EMG1: variants seen among roughly 807,000 people sequenced by gnomAD.
EMG1 encodes ribosomal RNA small subunit methyltransferase NEP1.
A neutral mutation model predicts 26.9 loss-of-function variants in EMG1; 24 were observed. The ratio of observed to expected loss-of-function variants is 0.89; its 90% confidence interval spans 0.65 to 1.26. The LOEUF is 1.26. Among genes scored for constraint, EMG1 ranks in the 50% most tolerant of loss-of-function variants. The pLI is 0.00. For missense variants in EMG1, 299 were observed against 307.6 expected (o/e 0.97, Z 0.21); for synonymous variants, 140 against 112.6 (o/e 1.24, Z -1.54).
rs781810040 is a variant in EMG1, at chr12:6,977,229, A to T, written c.*1420A>T. ...AATATGAATAGTAGGCTCAGGAAGA[A>T]GATGTGGCCAAGGAAATAGATGGAT... On this transcript the variant is annotated 3_prime_UTR_variant, in exon 6 of 6. Coordinates refer to ENST00000599672, the MANE Select transcript of EMG1 (RefSeq NM_006331.8). This position sits in a 1 kb window ranked among gnomAD's most constrained non-coding sequence, Gnocchi z 4.5. 5.0e-6 allele frequency: 8 copies of T among 1,613,924 alleles called. No homozygotes were observed. The Admixed American group carries it at 1.3e-4, about 27-fold the overall frequency.
In EMG1 at chr12:6,977,496, G is replaced by C; in HGVS notation, c.*1687G>C. 1 of 1,614,198 alleles carries C rather than the reference G, an allele frequency of 6.2e-7. No individual in the cohort carries two copies. On this transcript the variant is annotated 3_prime_UTR_variant, in exon 6 of 6. Coordinates refer to ENST00000599672, the MANE Select transcript of EMG1 (RefSeq NM_006331.8). This position sits in a 1 kb window ranked among gnomAD's most constrained non-coding sequence, Gnocchi z 4.5. ...CAGTAATGGCGGCCAGCTTGCTCAG[G>C]GTGGGGCTCTCTTGAATGAGCCTGG...
chr12:6,981,291 G>T, downstream of EMG1: 1 of 892,918 alleles, frequency 1.1e-6, no homozygotes, highest in Non-Finnish European at 1.7e-6. Context: ...TCTTCAAATA[G>T]CCTTCTCTTT....
Position 6,977,065 on chromosome 12 carries a change from T to A in EMG1, c.*1256T>A. ...ATTCACCCCAGATTTCTAATACTAT[T>A]GTTTTTTTCCAGTCTGTTGCTCTAT... On this transcript the variant is annotated 3_prime_UTR_variant, in exon 6 of 6. Coordinates refer to ENST00000599672, the MANE Select transcript of EMG1 (RefSeq NM_006331.8). The surrounding 1 kb of genome is among the most constrained non-coding windows in gnomAD (Gnocchi z 4.5). The A allele has an allele frequency of 1.0e-6, 1 of 972,128 alleles. No individual in the cohort carries two copies. The highest frequency in any genetic ancestry group is 1.6e-6 in the Non-Finnish European group (1 of 609,770). The allele number at this position is 972,128 out of a possible 1,614,324, so 60.2% of individuals were successfully genotyped here. A position where few individuals can be genotyped will look rare whatever the true frequency, so the allele number is the denominator to read the frequency against.
At position 6,979,116 on chromosome 12, in the gene EMG1, T is replaced by C; in HGVS notation, c.*3307T>C. On this transcript the variant is annotated 3_prime_UTR_variant, in exon 6 of 6. Transcript: ENST00000599672. ...TCCCCCCTTCCCTTGGTTTCTGAAT[T>C]CCCTAGAAGTGCCCAAATGTATCAG... 3.3e-6 allele frequency: 1 copy of C among 303,280 alleles called. No individual in the cohort carries two copies. Among genetic ancestry groups the C allele is most frequent in the South Asian group, 5.9e-5 (1 of 16,914 alleles). 18.8% of individuals were successfully genotyped at this position (303,280 alleles called of 1,614,324 possible).
chr12:6,974,736 GGAA>G, intron 3 of EMG1, 43 bp downstream of exon 3: 3 of 1,607,106 alleles, frequency 1.9e-6, no homozygotes, highest in Non-Finnish European at 2.6e-6. Context: ...TTGTCAGTAG[GGAA>G]GAAGGGAGGA....
In EMG1 at chr12:6,987,383, G is replaced by A. The variant is rs1403807963; in HGVS notation, c.*155-399G>A. ...TGGGATATAGGATCACTAGCTCTAG[G>A]GAGGTGGAGACATCTATGACCCTTT... On this transcript the variant is annotated intron_variant and NMD_transcript_variant, in intron 6 of 7. Coordinates refer to the EMG1 transcript ENST00000261406. This position sits in a 1 kb window ranked among gnomAD's most constrained non-coding sequence, Gnocchi z 4.1. 6.6e-6 allele frequency among the ~76,000 whole-genome samples: 1 copy of A among 152,202 alleles called. No homozygotes were observed. Among genetic ancestry groups the A allele is most frequent in the Non-Finnish European group, 1.5e-5 (1 of 68,038 alleles).
chr12:6,977,285 G>T lies in EMG1; in HGVS notation c.*1476G>T. The T allele has an allele frequency of 6.2e-7, 1 of 1,610,690 alleles. No homozygotes were observed. Among genetic ancestry groups the T allele is most frequent in the South Asian group, 1.1e-5 (1 of 91,010 alleles). The stretch of plus-strand genomic sequence containing the variant: ...CACCTGTGGAGAGAGAGGCCACTAA[G>T]GTAGACAGGCCTGGAGTGTCCTTTG... On this transcript the variant is annotated 3_prime_UTR_variant, in exon 6 of 6. Transcript: ENST00000599672. The surrounding 1 kb of genome is among the most constrained non-coding windows in gnomAD (Gnocchi z 4.5).
downstream of EMG1, chr12:6,981,674 A>G (rs371109001): frequency 4.4e-6 from 7 of 1,583,086 alleles, no homozygotes; most frequent in Middle Eastern, 1.7e-4. Context: ...GTGGGAGAGG[A>G]CACTGAGGAT....
chr12:6,992,805 T>C (rs1555155646), downstream of EMG1, among the ~76,000 whole-genome samples: 1 of 152,206 alleles, frequency 6.6e-6, no homozygotes, highest in African/African-American at 2.4e-5. Context: ...GGATTGGTTC[T>C]AGTACTCGCA....
At chr12:6,985,232 A>G (rs1555154667) in intron 6 of EMG1, among the ~76,000 whole-genome samples, 2 of 151,784 alleles carry the variant, frequency 1.3e-5, no homozygotes, top group East Asian at 3.9e-4. Context: ...TCTACTAAAA[A>G]TACAAAAAAA....
In EMG1 at chr12:6,970,936, A is replaced by G. The variant is rs376055535; in HGVS notation, c.13A>G (p.Ser5Gly). MAAP[S>G]DGFKPRERSG... ...GTATTGTTGCAAGATGGCCGCGCCC[A>G]GTGATGGATTCAAGCCTCGTGAACG... Residue 5 changes from serine (S) to glycine (G), a missense_variant, in exon 1 of 6, where the codon AGT (serine) becomes GGT (glycine). Physicochemically the swap from Ser to Gly is moderately conservative, Grantham distance 56. Coordinates refer to ENST00000599672, the MANE Select transcript of EMG1 (RefSeq NM_006331.8). 43 of 1,612,914 alleles carry G rather than the reference A, an allele frequency of 2.7e-5. No individual in the cohort carries two copies. The East Asian group carries it at 3.8e-4, about 14-fold the overall frequency.
At chr12:6,984,893 C>T (rs1455708297), downstream of EMG1, among the ~76,000 whole-genome samples, 3 of 152,054 alleles carry the variant, frequency 2.0e-5, no homozygotes, top group Admixed American at 6.6e-5. Flanking sequence ...TGAATTGCTG[C>T]GATTCTTGCT....
chr12:6,979,150 A>C lies in EMG1; in HGVS notation c.*3341A>C. Reference sequence around the variant, plus strand: ...GTGCCCAAATGTATCAGTCAAGAGAAGAAAATAGGATGGAGAATCAGAAGC... The same window carrying C: ...GTGCCCAAATGTATCAGTCAAGAGACGAAAATAGGATGGAGAATCAGAAGC... On this transcript the variant is annotated 3_prime_UTR_variant, in exon 6 of 6. Transcript: ENST00000599672. 2.7e-6 allele frequency: 1 copy of C among 365,714 alleles called. No homozygotes were observed. The highest frequency in any genetic ancestry group is 4.1e-5 in the South Asian group (1 of 24,212). 22.7% of individuals were successfully genotyped at this position (365,714 alleles called of 1,614,324 possible). A position where few individuals can be genotyped will look rare whatever the true frequency, so the allele number is the denominator to read the frequency against.
At chr12:6,997,419 G>GTGTA (rs1320231319) in exon 8 of EMG1, 55 of 147,866 alleles carry the variant, frequency 3.7e-4, no homozygotes, top group South Asian at 6.7e-4. Flanking sequence ...GTGTGTGTGT[G>GTGTA]TGTGTGTGTT....
intron 7 of EMG1, among the ~76,000 whole-genome samples, chr12:6,988,004 C>G (rs1946545739): frequency 6.6e-6 from 1 of 152,054 alleles, no homozygotes; most frequent in Non-Finnish European, 1.5e-5. Flanking sequence ...CTCCCTACTC[C>G]TAATTTACGG....
chr12:6,989,922 C>T (rs1946571492), downstream of EMG1, among the ~76,000 whole-genome samples: 1 of 152,086 alleles, frequency 6.6e-6, no homozygotes, highest in Non-Finnish European at 1.5e-5. Context: ...CCTGTAATCC[C>T]AGTGCTTTGG....
chr12:6,978,821 G>A lies in EMG1; in HGVS notation c.*3012G>A, dbSNP rs985405761. 25 of 1,321,154 alleles carry A rather than the reference G, an allele frequency of 1.9e-5. No homozygotes were observed. Among genetic ancestry groups the A allele is most frequent in the African/African-American group, 1.5e-5 (1 of 67,436 alleles). 81.8% of individuals were successfully genotyped at this position (1,321,154 alleles called of 1,614,324 possible). On this transcript the variant is annotated 3_prime_UTR_variant, in exon 6 of 6. Coordinates refer to ENST00000599672, the MANE Select transcript of EMG1 (RefSeq NM_006331.8). ...GTCCTGCTGCCAGATGCCCTCAATAGTCTGGCCTGATTGCCTTCACAATAG... is the reference window on the plus strand; with the variant it reads ...GTCCTGCTGCCAGATGCCCTCAATAATCTGGCCTGATTGCCTTCACAATAG...
In EMG1 at chr12:6,976,861, G is replaced by T. The variant is rs782242872; in HGVS notation, c.*1052G>T. ...AGGAGTGCTGTGAAAAGGGAGACGA[G>T]TAGTTTCTGCACCAGTCCCGCACAG... On this transcript the variant is annotated 3_prime_UTR_variant, in exon 6 of 6. Coordinates refer to ENST00000599672, the MANE Select transcript of EMG1 (RefSeq NM_006331.8). The T allele has an allele frequency of 6.4e-6, 2 of 312,706 alleles. No homozygotes were observed. The highest frequency in any genetic ancestry group is 4.2e-5 in the African/African-American group (2 of 47,480). 19.4% of individuals were successfully genotyped at this position (312,706 alleles called of 1,614,324 possible). A position where few individuals can be genotyped will look rare whatever the true frequency, so the allele number is the denominator to read the frequency against.
chr12:6,982,302 G>A (rs1194090419), downstream of EMG1, among the ~76,000 whole-genome samples: 1 of 152,278 alleles, frequency 6.6e-6, no homozygotes, highest in South Asian at 2.1e-4. Context: ...GCCTCCCAAG[G>A]TGCTGGGATT....
Sources: gnomAD v4.1 joint callset for allele counts (sites outside exome capture counted in the v4.1 genomes callset) on GRCh38, gnomAD v4.1.1 for gene constraint, Gnocchi (gnomAD v3.1) non-coding constraint, MANE v1.5 for transcripts, NCBI Gene and HGNC (gene_info 2026-07-23, HGNC 2026-07-21) for gene names.